Variants in CUL2 observed in about 807,000 individuals in gnomAD.
The protein encoded by CUL2 is cullin-2.
In CUL2, 22 loss-of-function variants were observed where a neutral mutation model predicts 110.2. The observed-to-expected ratio is 0.20, with a 90% CI of 0.14 to 0.28. The LOEUF is 0.28. Among genes scored for constraint, CUL2 ranks in the 10% least tolerant of loss-of-function variants. The probability of loss-of-function intolerance (pLI) is 1.00; values close to 1 mark genes in which losing one functional copy is unlikely to be tolerated. For synonymous variants in CUL2, 279 were observed against 293.2 expected, an observed-to-expected ratio of 0.95 and a Z score of 0.49; for missense variants, 631 against 905.5, an observed-to-expected ratio of 0.70 and a Z score of 3.89.
At chr10:35,118,561 A>G (rs923984018) in intron 1 of CUL2, 7 of 152,118 alleles carry the variant, frequency 4.6e-5, no homozygotes, top group African/African-American at 1.7e-4. Flanking sequence ...CTGAAGCTCT[A>G]TTAAGCTTAT....
intron 1 of CUL2, among the ~76,000 whole-genome samples, chr10:35,111,935 T>C (rs2135130074): frequency 6.6e-6 from 1 of 152,310 alleles, no homozygotes; most frequent in Middle Eastern, 3.4e-3. Flanking sequence ...CACAAACTCA[T>C]AGCCTACTGT....
chr10:35,036,693 G>A (rs999237774), intron 9 of CUL2, among the ~76,000 whole-genome samples: 2 of 152,076 alleles, frequency 1.3e-5, no homozygotes, highest in Admixed American at 6.6e-5. Flanking sequence ...CTTTAGTATT[G>A]CAGGTACATT....
intron 1 of CUL2, chr10:35,074,288 T>G (rs2086760322): frequency 1.7e-6 from 2 of 1,191,652 alleles, no homozygotes; most frequent in Non-Finnish European, 2.4e-6. Context: ...AACTGCAACA[T>G]GGCACCCAAG....
chr10:35,071,365 G>A (rs763560093), intron 1 of CUL2, 26 bp from the exon 2 acceptor site: 2 of 1,582,424 alleles, frequency 1.3e-6, no homozygotes, highest in Non-Finnish European at 1.7e-6. Context: ...CAATAACAAT[G>A]TTAGCAATAA....
At chr10:35,102,375 C>G (rs1175075806) in intron 1 of CUL2, among the ~76,000 whole-genome samples, 2 of 152,074 alleles carry the variant, frequency 1.3e-5, no homozygotes, top group African/African-American at 2.4e-5. Flanking sequence ...AGTTCAAGAC[C>G]AGCCTGGCCA....
chr10:35,062,431 G>A (rs761729071), intron 3 of CUL2, among the ~76,000 whole-genome samples: 76 of 152,080 alleles, frequency 5.0e-4, no homozygotes, highest in Non-Finnish European at 9.6e-4. Flanking sequence ...GAGGACGTAG[G>A]AGCACATTTT....
chr10:35,108,478 A>T lies in CUL2; in HGVS notation c.-50-7418T>A, dbSNP rs1489712633. 4.0e-5 allele frequency among the ~76,000 whole-genome samples: 6 copies of T among 151,662 alleles called. No homozygotes were observed. In the Admixed American group the frequency reaches 4.0e-4, roughly 10 times the overall value. On this transcript the variant is annotated intron_variant, in intron 1 of 5. Transcript: ENST00000685421. The stretch of plus-strand genomic sequence containing the variant: ...TCAAAAAAAAAAAAAGGAAAAAAAG[A>T]AAAAAAACACAGTTATTTGGACTAG...
chr10:35,025,426 C>T (rs1043722467), intron 16 of CUL2, among the ~76,000 whole-genome samples: 1 of 152,190 alleles, frequency 6.6e-6, no homozygotes, highest in African/African-American at 2.4e-5. Context: ...TTCTAGAGTT[C>T]TCTCCACTAA....
chr10:35,041,367 A>G (rs2085782603), intron 8 of CUL2, among the ~76,000 whole-genome samples: 1 of 152,190 alleles, frequency 6.6e-6, no homozygotes, highest in Admixed American at 6.5e-5. Flanking sequence ...CAGGGCTTCA[A>G]ACAGCTGTAA....
chr10:35,106,150 T>A (rs1484919283), intron 1 of CUL2, among the ~76,000 whole-genome samples: 3 of 152,134 alleles, frequency 2.0e-5, no homozygotes, highest in African/African-American at 7.2e-5. Context: ...ATGGGATTAG[T>A]GCCTTTACAA....
At chr10:35,081,945 G>C (rs1181145901) in intron 1 of CUL2, among the ~76,000 whole-genome samples, 1 of 152,152 alleles carries the variant, frequency 6.6e-6, no homozygotes, top group Non-Finnish European at 1.5e-5. Flanking sequence ...AGGGGATACA[G>C]TTATGGCAGA....
At chr10:35,040,592 T>C (rs2085758966) in intron 8 of CUL2, among the ~76,000 whole-genome samples, 1 of 152,152 alleles carries the variant, frequency 6.6e-6, no homozygotes, top group Non-Finnish European at 1.5e-5. Context: ...TCTTTCCTAT[T>C]GTGCGACCCT....
intron 1 of CUL2, among the ~76,000 whole-genome samples, chr10:35,103,737 G>A (rs1470369057): frequency 6.6e-6 from 1 of 152,130 alleles, no homozygotes; most frequent in East Asian, 1.9e-4. Flanking sequence ...TGGGATTATA[G>A]GCATGGGCCA....
chr10:35,040,730 T>C (rs958982734), intron 8 of CUL2, among the ~76,000 whole-genome samples: 8 of 152,092 alleles, frequency 5.3e-5, no homozygotes, highest in African/African-American at 1.9e-4. Context: ...ACAGACGGAG[T>C]GCGGGCGGCA....
At chr10:35,060,795 G>A in intron 4 of CUL2, 79 bp downstream of exon 4, 2 of 1,095,014 alleles carry the variant, frequency 1.8e-6, no homozygotes, top group South Asian at 2.8e-5. Context: ...TGAGAAATAG[G>A]CAATAAAAAA....
At chr10:35,060,753 C>T in intron 4 of CUL2, 121 bp downstream of exon 4, 1 of 768,046 alleles carries the variant, frequency 1.3e-6, no homozygotes, top group Non-Finnish European at 2.1e-6. Flanking sequence ...AAGTCCATGT[C>T]AGAGAGAATG....
chr10:35,068,906 T>G (rs1360929725), intron 2 of CUL2, among the ~76,000 whole-genome samples: 1 of 152,150 alleles, frequency 6.6e-6, no homozygotes, highest in African/African-American at 2.4e-5. Flanking sequence ...TTGCTCTTAT[T>G]GCCCAGGCTG....
At chr10:35,109,267 A>G (rs2087500018) in intron 1 of CUL2, among the ~76,000 whole-genome samples, 1 of 152,122 alleles carries the variant, frequency 6.6e-6, no homozygotes, top group Admixed American at 6.6e-5. Flanking sequence ...AAAACACAAC[A>G]AAAAACCTGA....
At chr10:35,122,781 G>A (rs554177510) in intron 1 of CUL2, among the ~76,000 whole-genome samples, 33 of 152,276 alleles carry the variant, frequency 2.2e-4, no homozygotes, top group African/African-American at 7.9e-4. Context: ...GGGATTACAG[G>A]CATGCGCCAC....
Sources: gnomAD v4.1 joint callset for allele counts (sites outside exome capture counted in the v4.1 genomes callset) on GRCh38, gnomAD v4.1.1 for gene constraint, MANE v1.5 for transcripts, NCBI Gene and HGNC (gene_info 2026-07-23, HGNC 2026-07-21) for gene names.